ZNF462: variants seen among roughly 807,000 people sequenced by gnomAD.
ZNF462 encodes zinc finger PBX1-interacting protein.
A neutral mutation model predicts 201.9 loss-of-function variants in ZNF462; 10 were observed. The ratio of observed to expected loss-of-function variants is 0.05; its 90% CI spans 0.03 to 0.08. The LOEUF is 0.08. ZNF462 is among the 10% of genes least tolerant of loss of function. The probability of loss-of-function intolerance (pLI) is 1.00; values close to 1 mark genes in which losing one functional copy is unlikely to be tolerated. For synonymous variants in ZNF462, 1,227 were observed against 1,193.3 expected (o/e 1.03, Z -0.58); for missense variants, 2,523 against 3,168.3 (o/e 0.80, Z 4.89).
Position 106,984,368 on chromosome 9 carries a change from C to A in ZNF462, c.7015C>A (p.His2339Asn), listed in dbSNP as rs759823691. ...KCQLCYYETKHTEELDSHLRD... is the reference protein window; with the variant it reads ...KCQLCYYETKNTEELDSHLRD... ...CCAGCTCTGCTACTATGAGACCAAG[C>A]ACACGGAGGAACTGGACAGCCACCT... Residue 2339 changes from histidine (H) to asparagine (N), a missense_variant, in exon 10 of 13, where the codon CAC becomes AAC. His to Asn is a moderately conservative substitution (Grantham distance 68). Coordinates refer to ENST00000277225, the MANE Select transcript of ZNF462 (RefSeq NM_021224.6). This position sits in a 1 kb window ranked among gnomAD's most constrained non-coding sequence, Gnocchi z 6.4. The A allele has an allele frequency of 6.2e-7, 1 of 1,613,998 alleles. No individual in the cohort carries two copies. The highest frequency in any genetic ancestry group is 1.1e-5 in the South Asian group (1 of 91,074).
At chr9:106,997,656 C>A (rs965442903) in intron 10 of ZNF462, among the ~76,000 whole-genome samples, 1 of 152,094 alleles carries the variant, frequency 6.6e-6, no homozygotes, top group Non-Finnish European at 1.5e-5. Context: ...ATCGTAGAGA[C>A]AATACTTTGC....
Position 106,951,854 on chromosome 9 carries a change from T to G in ZNF462, c.6427+12747T>G, listed in dbSNP as rs181640166. Among the ~76,000 whole-genome samples, 988 of 151,856 alleles carry G rather than the reference T, an allele frequency of 6.5e-3. 7 individuals carry two copies. Among genetic ancestry groups the G allele is most frequent in the African/African-American group, 0.023 (942 of 41,444 alleles). ...CTCCAAGTCATAACAGTGTTGTGTTTTTTTTTTTTTTTCCAGTGGAATTTT... is the reference window on the plus strand; with the variant it reads ...CTCCAAGTCATAACAGTGTTGTGTTGTTTTTTTTTTTTCCAGTGGAATTTT... On this transcript the variant is annotated intron_variant, in intron 7 of 12. Transcript: ENST00000277225.
intron 7 of ZNF462, among the ~76,000 whole-genome samples, chr9:106,940,663 G>T (rs905105749): frequency 4.6e-5 from 7 of 152,122 alleles, no homozygotes; most frequent in Admixed American, 3.9e-4. Flanking sequence ...AAGAAGGCTT[G>T]TTATGATGGC....
At chr9:106,983,661 A>T (rs1014023793) in intron 9 of ZNF462, among the ~76,000 whole-genome samples, 1 of 152,184 alleles carries the variant, frequency 6.6e-6, no homozygotes, top group Non-Finnish European at 1.5e-5. Context: ...TCTGTTGCCC[A>T]TTTGTACTTA....
intron 1 of ZNF462, among the ~76,000 whole-genome samples, chr9:106,922,812 A>G (rs974851878): frequency 2.6e-5 from 4 of 152,204 alleles, no homozygotes; most frequent in African/African-American, 9.6e-5. Context: ...TTAAAGTAAG[A>G]AAAGCTACAA....
chr9:106,927,148 C>G lies in ZNF462; in HGVS notation c.3236C>G (p.Ser1079Cys). ...MVSVDRGSAL[S>C]QLSFEVGAPM... ...TCTGTGGACAGGGGCTCTGCCCTTT[C>G]TCAATTATCATTTGAGGTGGGTGCT... The change falls in exon 3 of 13, where the codon TCT (serine) becomes TGT (cysteine). Residue 1079 changes from serine to cysteine, a missense_variant. Physicochemically the swap from Ser to Cys is moderately radical, Grantham distance 112. Around this residue, in one of 15 missense-constraint regions of ZNF462, gnomAD observed 280 missense variants for 321.3 expected, o/e 0.87. Coordinates refer to ENST00000277225, the MANE Select transcript of ZNF462 (RefSeq NM_021224.6). 2.5e-6 allele frequency: 4 copies of G among 1,614,204 alleles called. No individual in the cohort carries two copies. Among genetic ancestry groups the G allele is most frequent in the Non-Finnish European group, 3.4e-6 (4 of 1,180,038 alleles).
Position 106,930,608 on chromosome 9 carries a change from C to T in ZNF462, c.5931C>T (p.His1977=), listed in dbSNP as rs1301234019. The change falls in exon 4 of 13, where the codon CAC becomes CAT. Residue 1977 remains histidine (H), a synonymous_variant. Coordinates refer to ENST00000277225, the MANE Select transcript of ZNF462 (RefSeq NM_021224.6). This position sits in a 1 kb window ranked among gnomAD's most constrained non-coding sequence, Gnocchi z 5.8. The part of the protein sequence containing the change: ...GYKCKFCVEV[H]PTLRAICNHL... ...AATGTAAATTCTGTGTGGAAGTGCA[C>T]CCAACGCTCCGAGCCATCTGCAATC... 6.2e-7 allele frequency: 1 copy of T among 1,614,138 alleles called. No individual in the cohort carries two copies. The highest frequency in any genetic ancestry group is 1.7e-5 in the Admixed American group (1 of 60,022).
chr9:106,982,827 G>T (rs966485647), intron 9 of ZNF462, among the ~76,000 whole-genome samples: 2 of 151,994 alleles, frequency 1.3e-5, no homozygotes, highest in Non-Finnish European at 2.9e-5. Flanking sequence ...ATGACATTGG[G>T]TGGGGAAAAT....
Position 106,942,711 on chromosome 9 carries a change from T to C in ZNF462, c.6427+3604T>C, listed in dbSNP as rs190757523. ...CTTTCAGTACAGAAAAATACACATATAGGCACAGCTGTAAAATAACAAAGA... is the reference window on the plus strand; with the variant it reads ...CTTTCAGTACAGAAAAATACACATACAGGCACAGCTGTAAAATAACAAAGA... On this transcript the variant is annotated intron_variant, in intron 7 of 12. Coordinates refer to ENST00000277225, the MANE Select transcript of ZNF462 (RefSeq NM_021224.6). 6.0e-4 allele frequency among the ~76,000 whole-genome samples: 91 copies of C among 152,286 alleles called. 1 individual carries two copies. Among genetic ancestry groups the C allele is most frequent in the Middle Eastern group, 3.4e-3 (1 of 294 alleles).
intron 7 of ZNF462, among the ~76,000 whole-genome samples, chr9:106,940,278 C>T (rs547299947): frequency 3.0e-4 from 46 of 152,234 alleles, no homozygotes; most frequent in Admixed American, 1.9e-3. Flanking sequence ...AATAAAAGGC[C>T]GTTTTATTTC....
Position 106,926,586 on chromosome 9 carries a change from T to C in ZNF462, c.2674T>C (p.Tyr892His). 6.2e-7 allele frequency: 1 copy of C among 1,614,162 alleles called. No individual in the cohort carries two copies. The highest frequency in any genetic ancestry group is 1.1e-5 in the South Asian group (1 of 91,076). The change falls in exon 3 of 13, where the codon TAC becomes CAC. Residue 892 changes from tyrosine (Y) to histidine (H), a missense_variant. By Grantham distance (83) the Tyr-to-His change is moderately conservative. This residue lies in a region of ZNF462 where 280 missense variants were observed against 321.3 expected (regional missense o/e 0.87). Transcript: ENST00000277225. The surrounding 1 kb of genome is among the most constrained non-coding windows in gnomAD (Gnocchi z 7.9). ...HSAVYRCLEC[Y>H]IDYTNFEDLQ... ...TGCAGTGTACAGGTGCCTGGAATGC[T>C]ACATCGATTACACCAACTTCGAAGA...
intron 1 of ZNF462, among the ~76,000 whole-genome samples, chr9:106,864,062 C>CTCTCTG (rs1827190591): frequency 4.3e-5 from 4 of 93,930 alleles, no homozygotes; most frequent in Non-Finnish European, 9.3e-5. Context: ...CTCTCTCTCT[C>CTCTCTG]TCTCTCTCTC....
Position 106,974,612 on chromosome 9 carries a change from G to A in ZNF462, c.6832+339G>A. 2.8e-6 allele frequency: 1 copy of A among 354,616 alleles called. No individual in the cohort carries two copies. Among genetic ancestry groups the A allele is most frequent in the Non-Finnish European group, 5.4e-6 (1 of 185,016 alleles). 22.0% of individuals were successfully genotyped at this position (354,616 alleles called of 1,614,324 possible). A position where few individuals can be genotyped will look rare whatever the true frequency, so the allele number is the denominator to read the frequency against. The stretch of plus-strand genomic sequence containing the variant: ...GAAGGAATGAACAAGAAACAAAATG[G>A]GTGGGTGAAAGCAAATGTGAAATGT... On this transcript the variant is annotated intron_variant, in intron 9 of 12. Coordinates refer to ENST00000277225, the MANE Select transcript of ZNF462 (RefSeq NM_021224.6). The surrounding 1 kb of genome is among the most constrained non-coding windows in gnomAD (Gnocchi z 4.0).
rs1404735823 is a variant in ZNF462, at chr9:106,984,764, T to G, written c.7056+355T>G. On this transcript the variant is annotated intron_variant, in intron 10 of 12. Transcript: ENST00000277225. This position sits in a 1 kb window ranked among gnomAD's most constrained non-coding sequence, Gnocchi z 6.4. ...TAAAGCTTATTCTAAAAGAAGTATT[T>G]TGCTATGTTATTTGAAATGTTAATA... Among the ~76,000 whole-genome samples, 1 of 152,256 alleles carries G rather than the reference T, an allele frequency of 6.6e-6. No individual in the cohort carries two copies. Among genetic ancestry groups the G allele is most frequent in the Non-Finnish European group, 1.5e-5 (1 of 68,044 alleles).
chr9:106,990,728 A>G (rs1333230283), intron 10 of ZNF462, among the ~76,000 whole-genome samples: 1 of 151,956 alleles, frequency 6.6e-6, no homozygotes, highest in Non-Finnish European at 1.5e-5. Flanking sequence ...GTTTGTCTCA[A>G]TTGTTAGGTT....
intron 7 of ZNF462, among the ~76,000 whole-genome samples, chr9:106,943,051 T>TGCGCGC (rs757008438): frequency 3.4e-5 from 5 of 145,436 alleles, no homozygotes; most frequent in African/African-American, 1.3e-4. Flanking sequence ...AGTTTTGTTT[T>TGCGCGC]GCGCGCGCGT....
rs770195640 is a variant in ZNF462, at chr9:106,926,950, C to T, written c.3038C>T (p.Thr1013Ile). The T allele has an allele frequency of 6.2e-7, 1 of 1,614,170 alleles. No individual in the cohort carries two copies. Among genetic ancestry groups the T allele is most frequent in the Non-Finnish European group, 8.5e-7 (1 of 1,180,046 alleles). The change falls in exon 3 of 13, where the codon ACT becomes ATT. Residue 1013 changes from threonine to isoleucine, a missense_variant. This residue lies in a region of ZNF462 where 280 missense variants were observed against 321.3 expected (regional missense o/e 0.87). Coordinates refer to ENST00000277225, the MANE Select transcript of ZNF462 (RefSeq NM_021224.6). This position sits in a 1 kb window ranked among gnomAD's most constrained non-coding sequence, Gnocchi z 7.9. ...AACAAAAACACTCCTAAGACCTTTA[C>T]TCCTGAATGTGAAAATCAGAAGGAC... is the stretch of plus-strand genomic sequence containing the variant. ...TFNKNTPKTF[T>I]PECENQKDPL...
At chr9:107,001,825 C>A (rs1275190631) in intron 10 of ZNF462, among the ~76,000 whole-genome samples, 1 of 152,062 alleles carries the variant, frequency 6.6e-6, no homozygotes, top group African/African-American at 2.4e-5. Context: ...TCTTGTCCAC[C>A]CCCATGTTGA....
Position 106,895,486 on chromosome 9 carries a change from C to T in ZNF462, c.-30-27868C>T, listed in dbSNP as rs1337933390. On this transcript the variant is annotated intron_variant, in intron 1 of 12. Transcript: ENST00000277225. This position sits in a 1 kb window ranked among gnomAD's most constrained non-coding sequence, Gnocchi z 4.4. ...CCATCCTCTTCACCTCTAGGAGTCCCTCATGATGCTAGCAAAATAATCTTG... is the reference window on the plus strand; with the variant it reads ...CCATCCTCTTCACCTCTAGGAGTCCTTCATGATGCTAGCAAAATAATCTTG... Among the ~76,000 whole-genome samples, 1 of 152,188 alleles carries T rather than the reference C, an allele frequency of 6.6e-6. No individual in the cohort carries two copies. Among genetic ancestry groups the T allele is most frequent in the Admixed American group, 6.5e-5 (1 of 15,278 alleles).
Sources: allele counts gnomAD v4.1 joint callset (sites outside exome capture counted in the v4.1 genomes callset), GRCh38; gene constraint gnomAD v4.1.1; regional missense constraint gnomAD v4.1.1; non-coding constraint Gnocchi (gnomAD v3.1); transcripts MANE v1.5; gene names NCBI Gene and HGNC (gene_info 2026-07-23, HGNC 2026-07-21).